CDS2: variants seen among roughly 807,000 people sequenced by gnomAD.
The protein encoded by CDS2 is phosphatidate cytidylyltransferase 2.
In CDS2, 47 loss-of-function variants were observed where a neutral mutation model predicts 59.0. That is an observed-to-expected ratio of 0.80 (90% CI 0.63 to 1.02). The LOEUF (loss-of-function observed/expected upper bound fraction) is 1.02, where lower values mean the gene tolerates loss of function less well. Ranked by LOEUF, CDS2 falls within the 50% of genes least tolerant of loss-of-function variation. The pLI is 0.00. For missense variants in CDS2, 356 were observed against 558.9 expected (o/e 0.64, Z 3.66); for synonymous variants, 207 against 206.4 (o/e 1.00, Z -0.02).
intron 1 of CDS2, among the ~76,000 whole-genome samples, chr20:5,152,863 C>A (rs2090803732): frequency 6.6e-6 from 1 of 152,190 alleles, no homozygotes; most frequent in African/African-American, 2.4e-5. Flanking sequence ...ATGAGGACAG[C>A]TTGGTGTGGG....
chr20:5,176,263 A>G (rs2090994365), intron 3 of CDS2: 1 of 166,770 alleles, frequency 6.0e-6, no homozygotes, highest in Non-Finnish European at 1.3e-5. Context: ...TACTTAAAAA[A>G]AAAATCCTTT....
intron 1 of CDS2, among the ~76,000 whole-genome samples, chr20:5,150,903 C>A (rs1303444272): frequency 6.6e-6 from 1 of 152,208 alleles, no homozygotes; most frequent in Non-Finnish European, 1.5e-5. Flanking sequence ...GGGTTCCTGG[C>A]AGAAGGGCAA....
chr20:5,163,632 A>G (rs1055391986), intron 1 of CDS2, among the ~76,000 whole-genome samples: 1 of 152,122 alleles, frequency 6.6e-6, no homozygotes, highest in Non-Finnish European at 1.5e-5. Context: ...CTTTTTGTTT[A>G]TTATTTTAAT....
At chr20:5,128,580 G>T (rs1352710445) in intron 1 of CDS2, 4 of 152,198 alleles carry the variant, frequency 2.6e-5, no homozygotes, top group Non-Finnish European at 5.9e-5. Context: ...AGGAGTTTGA[G>T]ACCCTGTCTC....
chr20:5,173,561 A>G lies in CDS2; in HGVS notation c.96A>G (p.Ala32=). 6.2e-7 allele frequency: 1 copy of G among 1,614,222 alleles called. No homozygotes were observed. The highest frequency in any genetic ancestry group is 1.7e-5 in the Admixed American group (1 of 60,026). ...AAGCAAAGGTAGATGGAGAGACTGC[A>G]TCGGACAGTGAGAGCCGGGCAGAAT... ...ESEAKVDGET[A]SDSESRAESA... Residue 32 remains alanine (A), a synonymous_variant, in exon 2 of 13, where the codon GCA becomes GCG. Transcript: ENST00000460006.
intron 7 of CDS2, 53 bp downstream of exon 7, chr20:5,183,196 A>G: frequency 5.5e-6 from 8 of 1,461,318 alleles, no homozygotes; most frequent in South Asian, 3.4e-5. Flanking sequence ...TTTCTCGTGT[A>G]CAGATACCCC....
At position 5,144,323 on chromosome 20, in the gene CDS2, G is replaced by A. The variant is rs567103526; in HGVS notation, c.57+17174G>A. Among the ~76,000 whole-genome samples, 5 of 152,300 alleles carry A rather than the reference G, an allele frequency of 3.3e-5. No homozygotes were observed. In the South Asian group the frequency reaches 6.2e-4, roughly 19 times the overall value. On this transcript the variant is annotated intron_variant, in intron 1 of 12. Coordinates refer to ENST00000460006, the MANE Select transcript of CDS2 (RefSeq NM_003818.4). ...GTCAGTGAGTGTAGAAAGTGATAACGTGGGTGAGTTGGGTGACATACTCTT... is the reference window on the plus strand; with the variant it reads ...GTCAGTGAGTGTAGAAAGTGATAACATGGGTGAGTTGGGTGACATACTCTT...
chr20:5,150,684 G>C (rs967381509), intron 1 of CDS2, among the ~76,000 whole-genome samples: 1 of 152,206 alleles, frequency 6.6e-6, no homozygotes, highest in Non-Finnish European at 1.5e-5. Flanking sequence ...GCCCAACTCA[G>C]CCCCAGCCCC....
At chr20:5,172,674 C>T (rs1302211270) in intron 1 of CDS2, among the ~76,000 whole-genome samples, 3 of 152,226 alleles carry the variant, frequency 2.0e-5, no homozygotes, top group African/African-American at 7.2e-5. Context: ...ATGGGAAAGG[C>T]TCTTCAGACC....
intron 1 of CDS2, among the ~76,000 whole-genome samples, chr20:5,163,990 C>T (rs916840871): frequency 2.0e-5 from 3 of 151,928 alleles, no homozygotes; most frequent in African/African-American, 7.3e-5. Flanking sequence ...GGAGTTTCAC[C>T]ATGTCGGCCA....
At chr20:5,156,196 G>A (rs1263255694) in intron 1 of CDS2, among the ~76,000 whole-genome samples, 1 of 152,172 alleles carries the variant, frequency 6.6e-6, no homozygotes, top group East Asian at 1.9e-4. Flanking sequence ...CTGTGAGAAT[G>A]GGAAAGACCC....
chr20:5,129,789 C>G (rs1318800961), intron 1 of CDS2, among the ~76,000 whole-genome samples: 1 of 151,604 alleles, frequency 6.6e-6, no homozygotes, highest in Non-Finnish European at 1.5e-5. Flanking sequence ...CTGTATTGGC[C>G]AGGCTGGTCT....
At chr20:5,179,881 A>G (rs1361238116) in intron 5 of CDS2, among the ~76,000 whole-genome samples, 1 of 152,238 alleles carries the variant, frequency 6.6e-6, no homozygotes, top group Non-Finnish European at 1.5e-5. Context: ...CTACCTTCAA[A>G]GCTAGTTTGA....
chr20:5,172,827 G>C (rs2090966299), intron 1 of CDS2, among the ~76,000 whole-genome samples: 1 of 152,146 alleles, frequency 6.6e-6, no homozygotes, highest in Non-Finnish European at 1.5e-5. Context: ...ATTCAGAATA[G>C]CCTGTCCCTT....
intron 1 of CDS2, among the ~76,000 whole-genome samples, chr20:5,137,077 C>A (rs1254388256): frequency 6.6e-6 from 1 of 151,884 alleles, no homozygotes; most frequent in African/African-American, 2.4e-5. Context: ...GGATAATGAC[C>A]CCTAGCTGCA....
chr20:5,137,913 C>T (rs1288628569), intron 1 of CDS2, among the ~76,000 whole-genome samples: 1 of 151,790 alleles, frequency 6.6e-6, no homozygotes, highest in Non-Finnish European at 1.5e-5. Context: ...ATTCTCCTGC[C>T]TCAGCCTCCC....
At chr20:5,136,057 G>A (rs965958078) in intron 1 of CDS2, among the ~76,000 whole-genome samples, 1 of 152,156 alleles carries the variant, frequency 6.6e-6, no homozygotes, top group Non-Finnish European at 1.5e-5. Context: ...CCTGGGACTT[G>A]GGATTTACGG....
intron 1 of CDS2, among the ~76,000 whole-genome samples, chr20:5,132,071 A>G (rs1437374317): frequency 6.6e-6 from 1 of 152,012 alleles, no homozygotes. Flanking sequence ...TTAGCCTTCT[A>G]TGACCTATCT....
chr20:5,170,081 C>T (rs2090944169), intron 1 of CDS2, among the ~76,000 whole-genome samples: 7 of 152,132 alleles, frequency 4.6e-5, no homozygotes, highest in Admixed American at 4.6e-4. Flanking sequence ...TCGCATTGGT[C>T]ATCCCAACAA....
Sources: allele counts gnomAD v4.1 joint callset (sites outside exome capture counted in the v4.1 genomes callset), GRCh38; gene constraint gnomAD v4.1.1; transcripts MANE v1.5; gene names NCBI Gene and HGNC (gene_info 2026-07-23, HGNC 2026-07-21).